The following TMEM178B variants were observed in gnomAD, a reference collection of about 807,000 sequenced individuals.
TMEM178B encodes transmembrane protein 178B.
In TMEM178B, 5 loss-of-function variants were observed where a neutral mutation model predicts 31.0. The observed-to-expected ratio is 0.16, with a 90% confidence interval of 0.08 to 0.34. The LOEUF is 0.34. Among genes scored for constraint, TMEM178B ranks in the 10% least tolerant of loss-of-function variants. TMEM178B has a pLI of 1.00. For synonymous variants in TMEM178B, 164 were observed against 164.0 expected, an observed-to-expected ratio of 1.00 and a Z score of 0.00; for missense variants, 275 against 400.3, an observed-to-expected ratio of 0.69 and a Z score of 2.67.
chr7:141,482,105 G>T (rs1802485952), downstream of TMEM178B, among the ~76,000 whole-genome samples: 1 of 152,190 alleles, frequency 6.6e-6, no homozygotes, highest in African/African-American at 2.4e-5. Context: ...AATGAATTAT[G>T]CAGCCCACAG....
At chr7:141,157,704 C>T (rs1032708062) in intron 1 of TMEM178B, among the ~76,000 whole-genome samples, 2 of 152,234 alleles carry the variant, frequency 1.3e-5, no homozygotes, top group Admixed American at 1.3e-4. Flanking sequence ...CCCAATCTCA[C>T]TCCTCGCAGG....
chr7:141,200,513 C>A (rs1219395680), intron 1 of TMEM178B, among the ~76,000 whole-genome samples: 1 of 152,086 alleles, frequency 6.6e-6, no homozygotes, highest in African/African-American at 2.4e-5. Context: ...TGAAAGAGAG[C>A]ACTATCAGGG....
At chr7:141,160,914 A>G (rs1796159050) in intron 1 of TMEM178B, among the ~76,000 whole-genome samples, 1 of 152,064 alleles carries the variant, frequency 6.6e-6, no homozygotes, top group African/African-American at 2.4e-5. Context: ...ACGGAGTGCA[A>G]TAGTGCGATC....
chr7:141,248,512 T>C (rs191602565), intron 2 of TMEM178B, among the ~76,000 whole-genome samples: 62 of 152,342 alleles, frequency 4.1e-4, no homozygotes, highest in South Asian at 8.3e-4. Context: ...AGTGTACTTA[T>C]ACAGACATTG....
chr7:141,081,019 A>G (rs1253215198), intron 1 of TMEM178B, among the ~76,000 whole-genome samples: 1 of 152,202 alleles, frequency 6.6e-6, no homozygotes, highest in Non-Finnish European at 1.5e-5. Context: ...TTACTATGCT[A>G]TACTTCTAAT....
chr7:141,108,027 A>G (rs1175969043), intron 1 of TMEM178B, among the ~76,000 whole-genome samples: 1 of 152,238 alleles, frequency 6.6e-6, no homozygotes, highest in Non-Finnish European at 1.5e-5. Flanking sequence ...CTGGTCGAAC[A>G]GCTGAGGACT....
intron 2 of TMEM178B, among the ~76,000 whole-genome samples, chr7:141,301,417 G>A (rs780750224): frequency 2.0e-4 from 30 of 152,100 alleles, no homozygotes; most frequent in Non-Finnish European, 3.4e-4. Flanking sequence ...AGGAGAGGTA[G>A]TTTTACGTGT....
intron 2 of TMEM178B, among the ~76,000 whole-genome samples, chr7:141,292,926 C>T (rs1185307406): frequency 2.6e-5 from 4 of 152,128 alleles, no homozygotes; most frequent in African/African-American, 9.7e-5. Context: ...GTGTGAGCCA[C>T]CGCACCCGGC....
chr7:141,154,155 G>A (rs537405395), intron 1 of TMEM178B, among the ~76,000 whole-genome samples: 281 of 152,378 alleles, frequency 1.8e-3, no homozygotes, highest in Non-Finnish European at 2.6e-3. Flanking sequence ...CTGATTGAAT[G>A]CCTCTGCAGT....
intron 2 of TMEM178B, among the ~76,000 whole-genome samples, chr7:141,235,314 T>G (rs1199666660): frequency 6.6e-6 from 1 of 152,248 alleles, no homozygotes; most frequent in East Asian, 1.9e-4. Context: ...GTGCCTGTGT[T>G]GCAGTGTACA....
At chr7:141,189,835 C>T (rs1023597063) in intron 1 of TMEM178B, among the ~76,000 whole-genome samples, 21 of 152,206 alleles carry the variant, frequency 1.4e-4, no homozygotes, top group African/African-American at 4.6e-4. Flanking sequence ...TGGATGGTCT[C>T]GACCAAGAAC....
intron 1 of TMEM178B, among the ~76,000 whole-genome samples, chr7:141,119,747 G>A (rs1288168749): frequency 6.6e-6 from 1 of 152,160 alleles, no homozygotes; most frequent in Non-Finnish European, 1.5e-5. Flanking sequence ...TCGGTTGAGA[G>A]AAGGCAATGA....
At chr7:141,405,989 T>C (rs1800878668) in intron 2 of TMEM178B, among the ~76,000 whole-genome samples, 2 of 152,170 alleles carry the variant, frequency 1.3e-5, no homozygotes, top group Non-Finnish European at 2.9e-5. Flanking sequence ...CTGCATTATT[T>C]ATTGTTTTTT....
intron 3 of TMEM178B, among the ~76,000 whole-genome samples, chr7:141,459,437 G>T (rs915678049): frequency 6.6e-6 from 1 of 152,170 alleles, no homozygotes; most frequent in Non-Finnish European, 1.5e-5. Context: ...ACACCACCAC[G>T]CCAGTTCTTG....
chr7:141,293,366 A>T (rs1200457112), intron 2 of TMEM178B, among the ~76,000 whole-genome samples: 1 of 152,160 alleles, frequency 6.6e-6, no homozygotes, highest in Non-Finnish European at 1.5e-5. Context: ...GGTCTTTGGC[A>T]TTCCTTTCAT....
At chr7:141,192,332 G>A (rs1304296310) in intron 1 of TMEM178B, among the ~76,000 whole-genome samples, 1 of 152,128 alleles carries the variant, frequency 6.6e-6, no homozygotes, top group Admixed American at 6.5e-5. Flanking sequence ...CCGTCAGGGT[G>A]TGGAGGGGGA....
chr7:141,341,257 T>G (rs557503441), intron 2 of TMEM178B, among the ~76,000 whole-genome samples: 2 of 152,180 alleles, frequency 1.3e-5, no homozygotes, highest in African/African-American at 2.4e-5. Context: ...ATCTAAGGAT[T>G]CAAAAACAAA....
chr7:141,096,905 T>G (rs1563086510), intron 1 of TMEM178B, among the ~76,000 whole-genome samples: 1 of 151,850 alleles, frequency 6.6e-6, no homozygotes, highest in Admixed American at 6.6e-5. Flanking sequence ...CTGGGCAACA[T>G]AGCGAGATCT....
intron 3 of TMEM178B, among the ~76,000 whole-genome samples, chr7:141,463,301 A>G (rs1265414305): frequency 6.6e-6 from 1 of 152,158 alleles, no homozygotes; most frequent in African/African-American, 2.4e-5. Context: ...GAGGGTTGAG[A>G]TCAATTTGCT....
Sources: allele counts gnomAD v4.1 joint callset (sites outside exome capture counted in the v4.1 genomes callset), GRCh38; gene constraint gnomAD v4.1.1; transcripts MANE v1.5; gene names NCBI Gene and HGNC (gene_info 2026-07-23, HGNC 2026-07-21).